Variants in CDYL observed in about 807,000 individuals in gnomAD.
CDYL encodes the protein chromodomain Y like.
In CDYL, 8 loss-of-function variants were observed where a neutral mutation model predicts 47.3. The observed-to-expected ratio is 0.17, with a 90% CI of 0.10 to 0.31. The LOEUF is 0.31. Ranked by LOEUF, CDYL falls within the 10% of genes least tolerant of loss-of-function variation. CDYL has a pLI of 1.00. For synonymous variants in CDYL, 266 were observed against 265.0 expected, an observed-to-expected ratio of 1.00 and a Z score of -0.04; for missense variants, 471 against 701.4, an observed-to-expected ratio of 0.67 and a Z score of 3.71.
intron 1 of CDYL, chr6:4,836,335 G>A (rs771788371): frequency 1.6e-5 from 14 of 858,620 alleles, no homozygotes; most frequent in Middle Eastern, 5.9e-4. Context: ...TATTTTATAC[G>A]TGTGCTTTCA....
At chr6:4,740,675 C>T (rs150055207) in intron 3 of CDYL, among the ~76,000 whole-genome samples, 41 of 152,180 alleles carry the variant, frequency 2.7e-4, no homozygotes, top group African/African-American at 8.7e-4. Context: ...CTGACTAGAC[C>T]GGAGAGTGTG....
At position 4,952,259 on chromosome 6, in the gene CDYL, C is replaced by T. The variant is rs1329246773; in HGVS notation, c.1333-7C>T. 6.2e-7 allele frequency: 1 copy of T among 1,612,656 alleles called. No individual in the cohort carries two copies. Among genetic ancestry groups the T allele is most frequent in the Admixed American group, 1.7e-5 (1 of 59,760 alleles). On this transcript the variant is annotated splice_region_variant and splice_polypyrimidine_tract_variant and intron_variant, in intron 5 of 6. Coordinates refer to ENST00000397588, the MANE Select transcript of CDYL (RefSeq NM_004824.4). ...ATTCATATTACATCCACTCTTCTTCCTTGCAGGCAAACGAGATGCTGCTCA... is the reference window on the plus strand; with the variant it reads ...ATTCATATTACATCCACTCTTCTTCTTTGCAGGCAAACGAGATGCTGCTCA...
intron 1 of CDYL, among the ~76,000 whole-genome samples, chr6:4,795,074 A>T (rs1201853225): frequency 1.3e-5 from 2 of 150,556 alleles, no homozygotes; most frequent in Non-Finnish European, 3.0e-5. Context: ...TTTTTGTTTT[A>T]TTTCTAATTC....
At chr6:4,781,268 A>G (rs1758612853) in intron 1 of CDYL, among the ~76,000 whole-genome samples, 1 of 152,192 alleles carries the variant, frequency 6.6e-6, no homozygotes, top group South Asian at 2.1e-4. Flanking sequence ...TGTGCACCAC[A>G]AGGCTTTTAC....
Position 4,849,576 on chromosome 6 carries a change from C to G in CDYL, c.25-42137C>G, listed in dbSNP as rs541637059. 1.3e-5 allele frequency among the ~76,000 whole-genome samples: 2 copies of G among 151,784 alleles called. 1 individual carries two copies. The highest frequency in any genetic ancestry group is 4.8e-5 in the African/African-American group (2 of 41,324). ...GTGTTAAAATAAGTGCTCTTACTTT[C>G]TTTCTCCACTGCTTTTGCACAAAAA... is the stretch of plus-strand genomic sequence containing the variant. On this transcript the variant is annotated intron_variant, in intron 1 of 6. Coordinates refer to ENST00000397588, the MANE Select transcript of CDYL (RefSeq NM_004824.4).
chr6:4,740,630 A>G (rs1232239463), intron 3 of CDYL, among the ~76,000 whole-genome samples: 1 of 152,120 alleles, frequency 6.6e-6, no homozygotes, highest in African/African-American at 2.4e-5. Context: ...GTGAAGCCAC[A>G]TCTTCTTTCT....
intron 1 of CDYL, among the ~76,000 whole-genome samples, chr6:4,879,555 T>G (rs867618674): frequency 0.18 from 22,187 of 121,618 alleles, 851 homozygotes; most frequent in Non-Finnish European, 0.21. Context: ...TTGTGGGGTT[T>G]TTTTTTTTTT....
At position 4,954,289 on chromosome 6, in the gene CDYL, A is replaced by C; in HGVS notation, c.*233A>C. ...CCAAACGTCATTATTTTATACTTAT[A>C]TACACGCAGGTGTAAAAGTATAAAG... On this transcript the variant is annotated 3_prime_UTR_variant, in exon 7 of 7. Transcript: ENST00000397588. 2 of 393,910 alleles carry C rather than the reference A, an allele frequency of 5.1e-6. No homozygotes were observed. The highest frequency in any genetic ancestry group is 5.6e-5 in the South Asian group (1 of 17,756). 24.4% of individuals were successfully genotyped at this position (393,910 alleles called of 1,614,324 possible).
At chr6:4,795,086 A>G (rs1759032364) in intron 1 of CDYL, among the ~76,000 whole-genome samples, 1 of 152,024 alleles carries the variant, frequency 6.6e-6, no homozygotes. Context: ...TTCTAATTCC[A>G]AAAGAGTGGA....
chr6:4,815,798 C>T (rs1214328574), intron 1 of CDYL, among the ~76,000 whole-genome samples: 1 of 150,296 alleles, frequency 6.7e-6, no homozygotes, highest in Non-Finnish European at 1.5e-5. Flanking sequence ...AGCATTTTCT[C>T]CTAATTTACT....
At chr6:4,758,968 C>CTTTT (rs753662724) in intron 3 of CDYL, among the ~76,000 whole-genome samples, 1 of 131,916 alleles carries the variant, frequency 7.6e-6, no homozygotes. Context: ...TTTTCTTTTT[C>CTTTT]TTTTTTTTTT....
intron 5 of CDYL, among the ~76,000 whole-genome samples, chr6:4,946,146 C>G (rs1242209580): frequency 6.6e-6 from 1 of 152,184 alleles, no homozygotes; most frequent in Non-Finnish European, 1.5e-5. Context: ...GCTGTTGAGG[C>G]CCCTCTGGCC....
chr6:4,764,850 TA>T (rs1561840947), intron 3 of CDYL, among the ~76,000 whole-genome samples: 9 of 145,554 alleles, frequency 6.2e-5, no homozygotes, highest in African/African-American at 2.5e-4. Context: ...ACAGCAAAAT[TA>T]AACACACACA....
At chr6:4,872,381 G>A (rs1332712432) in intron 1 of CDYL, among the ~76,000 whole-genome samples, 8 of 148,250 alleles carry the variant, frequency 5.4e-5, no homozygotes, top group African/African-American at 2.0e-4. Context: ...CGTTGGCAGA[G>A]TTTTTTGGTT....
chr6:4,796,309 AT>A (rs1429641125), intron 1 of CDYL, among the ~76,000 whole-genome samples: 2 of 152,222 alleles, frequency 1.3e-5, no homozygotes, highest in African/African-American at 2.4e-5. Flanking sequence ...CCAAAAAATG[AT>A]TTTAGTTTGA....
intron 1 of CDYL, among the ~76,000 whole-genome samples, chr6:4,710,568 G>A (rs1447864127): frequency 2.0e-5 from 3 of 152,058 alleles, no homozygotes; most frequent in Non-Finnish European, 4.4e-5. Flanking sequence ...AGGGAGGGAG[G>A]GAGGGAGGAA....
intron 1 of CDYL, among the ~76,000 whole-genome samples, chr6:4,709,002 G>C (rs62384787): frequency 0.039 from 5,936 of 151,820 alleles, 178 homozygotes; most frequent in Non-Finnish European, 0.058. Flanking sequence ...GTGGGACCCT[G>C]TCTTAAAAAA....
chr6:4,795,614 A>G (rs1472011835), intron 1 of CDYL, among the ~76,000 whole-genome samples: 2 of 152,062 alleles, frequency 1.3e-5, no homozygotes, highest in African/African-American at 2.4e-5. Context: ...TTTATATTAG[A>G]AGATTCTTAG....
intron 2 of CDYL, among the ~76,000 whole-genome samples, chr6:4,902,236 TAAAAA>T (rs60097630): frequency 7.1e-6 from 1 of 141,420 alleles, no homozygotes; most frequent in Non-Finnish European, 1.6e-5. Context: ...CTGTCTCTAC[TAAAAA>T]AAAAAAAATA....
Sources: allele counts gnomAD v4.1 joint callset (sites outside exome capture counted in the v4.1 genomes callset), GRCh38; gene constraint gnomAD v4.1.1; transcripts MANE v1.5; gene names NCBI Gene and HGNC (gene_info 2026-07-23, HGNC 2026-07-21).